Variants in TRPC5 observed in about 807,000 individuals in gnomAD.
TRPC5 encodes the protein transient receptor potential cation channel subfamily C member 5.
In TRPC5, 9 loss-of-function variants were observed where a neutral mutation model predicts 56.5. The observed-to-expected ratio is 0.16, with a 90% CI of 0.10 to 0.28. TRPC5 has a LOEUF of 0.28. Ranked by LOEUF, TRPC5 falls within the 10% of genes least tolerant of loss-of-function variation. The pLI is 1.00. For synonymous variants in TRPC5, 282 were observed against 278.5 expected, an observed-to-expected ratio of 1.01 and a Z score of -0.13; for missense variants, 469 against 748.9, an observed-to-expected ratio of 0.63 and a Z score of 4.36.
At chrX:112,031,248 G>A (rs1163303183) in intron 1 of TRPC5, among the ~76,000 whole-genome samples, 1 of 111,441 alleles carries the variant, frequency 9.0e-6, no homozygotes, top group African/African-American at 3.3e-5. Context: ...AAAGAAAAGG[G>A]GACAAAACCC....
At chrX:111,803,444 C>A (rs1409904839) in intron 7 of TRPC5, among the ~76,000 whole-genome samples, 2 of 112,099 alleles carry the variant, frequency 1.8e-5, no homozygotes, top group South Asian at 7.4e-4. Context: ...GTCTTCCACA[C>A]TGGTTGAACT....
In TRPC5 at chrX:111,774,667, A is replaced by G. The variant is rs1217680956; in HGVS notation, c.*1646T>C. 3 of 111,260 alleles carry G rather than the reference A, an allele frequency of 2.7e-5. No individual in the cohort carries two copies. In the Admixed American group the frequency reaches 2.9e-4, roughly 11 times the overall value. The allele number at this position is 111,260 out of a possible 1,213,427, so 9.2% of individuals were successfully genotyped here. A position where few individuals can be genotyped will look rare whatever the true frequency, so the allele number is the denominator to read the frequency against. On this transcript the variant is annotated 3_prime_UTR_variant, in exon 11 of 11. Transcript: ENST00000262839. Reference sequence around the variant, plus strand: ...TTTTGCTCTTCTCCAGGCTAGAGACAAAGATGGGAATCCATTCAAATAACA... The same window carrying G: ...TTTTGCTCTTCTCCAGGCTAGAGACGAAGATGGGAATCCATTCAAATAACA...
At chrX:112,011,047 A>C (rs1928978757) in intron 1 of TRPC5, among the ~76,000 whole-genome samples, 1 of 111,341 alleles carries the variant, frequency 9.0e-6, no homozygotes, top group African/African-American at 3.3e-5. Flanking sequence ...ACCCTCCCCC[A>C]TTTGACAAGG....
rs1183740096 is a variant in TRPC5, at chrX:111,970,131, A to G, written c.-21-17690T>C. ...AAGCCCTGGTGACTGGAGGAGTTACAGTGCTGCTATCTGTGTGACTGAGAA... is the reference window on the plus strand; with the variant it reads ...AAGCCCTGGTGACTGGAGGAGTTACGGTGCTGCTATCTGTGTGACTGAGAA... On this transcript the variant is annotated intron_variant, in intron 1 of 10. Coordinates refer to ENST00000262839, the MANE Select transcript of TRPC5 (RefSeq NM_012471.3). Among the ~76,000 whole-genome samples the G allele has an allele frequency of 8.1e-5, 9 of 111,488 alleles. No homozygotes were observed. In the Admixed American group the frequency reaches 8.6e-4, roughly 11 times the overall value.
intron 1 of TRPC5, among the ~76,000 whole-genome samples, chrX:112,031,103 G>T (rs1387516272): frequency 9.0e-6 from 1 of 111,718 alleles, no homozygotes; most frequent in Non-Finnish European, 1.9e-5. Flanking sequence ...TTCATTAAAA[G>T]CACAGTTATT....
At chrX:111,904,740 G>A (rs762508988) in intron 3 of TRPC5, among the ~76,000 whole-genome samples, 1 of 111,270 alleles carries the variant, frequency 9.0e-6, no homozygotes, top group Non-Finnish European at 1.9e-5. Context: ...ACCAAGGCAC[G>A]TTTACCTATG....
chrX:111,996,112 T>C (rs1928522331), intron 1 of TRPC5, among the ~76,000 whole-genome samples: 1 of 112,340 alleles, frequency 8.9e-6, no homozygotes, highest in East Asian at 2.8e-4. Context: ...CTTTCTCTTG[T>C]GGGCATTTAG....
chrX:111,782,838 C>CACACACACACAT (rs1300584306), intron 7 of TRPC5, among the ~76,000 whole-genome samples: 2 of 110,084 alleles, frequency 1.8e-5, no homozygotes, highest in African/African-American at 6.6e-5. Flanking sequence ...CACACACACA[C>CACACACACACAT]ACATCAGTGT....
rs575504884 is a variant in TRPC5 at position 111,989,742 on chromosome X, A to G, written c.-21-37301T>C. On this transcript the variant is annotated intron_variant, in intron 1 of 10. Coordinates refer to ENST00000262839, the MANE Select transcript of TRPC5 (RefSeq NM_012471.3). ...GATAAAGAAAATGTGATGCTTTCAC[A>G]CAGTGGAATACTGAACTGCAGTTAA... Among the ~76,000 whole-genome samples, 7 of 112,446 alleles carry G rather than the reference A, an allele frequency of 6.2e-5. No homozygotes were observed. The South Asian group carries it at 2.6e-3, about 42-fold the overall frequency.
In TRPC5 at chrX:111,774,251, A is replaced by AG. The variant is rs1483970909; in HGVS notation, c.*2061_*2062insC. ...AAACTTATAAGTTTTCAGAAGTGATATACATTTCTGAGAAAAACATGTTTT... is the reference window on the plus strand; with the variant it reads ...AAACTTATAAGTTTTCAGAAGTGATAGTACATTTCTGAGAAAAACATGTTTT... On this transcript the variant is annotated 3_prime_UTR_variant, in exon 11 of 11. Coordinates refer to ENST00000262839, the MANE Select transcript of TRPC5 (RefSeq NM_012471.3). The AG allele has an allele frequency of 8.9e-6, 1 of 112,083 alleles. No homozygotes were observed. The highest frequency in any genetic ancestry group is 2.8e-4 in the East Asian group (1 of 3,607). 9.2% of individuals were successfully genotyped at this position (112,083 alleles called of 1,213,427 possible).
intron 1 of TRPC5, among the ~76,000 whole-genome samples, chrX:112,077,478 C>G (rs1343587469): frequency 8.9e-6 from 1 of 111,885 alleles, no homozygotes; most frequent in African/African-American, 3.2e-5. Flanking sequence ...AAAAATGAAT[C>G]ACTGGGGATC....
At chrX:111,965,313 A>G (rs370248100) in intron 1 of TRPC5, among the ~76,000 whole-genome samples, 3 of 111,997 alleles carry the variant, frequency 2.7e-5, no homozygotes, top group Admixed American at 9.5e-5. Flanking sequence ...GGAGCACCCA[A>G]ATTCATAAAG....
chrX:111,802,379 G>A lies in TRPC5; in HGVS notation c.1897-20241C>T, dbSNP rs188143235. Among the ~76,000 whole-genome samples, 19 of 111,050 alleles carry A rather than the reference G, an allele frequency of 1.7e-4. 1 individual carries two copies. In the East Asian group the frequency reaches 5.3e-3, roughly 31 times the overall value. ...TTATATTTGTATATGAATTTTAGGA[G>A]CAGCTTGTCAATTTATGCAAAAGCA... On this transcript the variant is annotated intron_variant, in intron 7 of 10. Transcript: ENST00000262839.
intron 1 of TRPC5, among the ~76,000 whole-genome samples, chrX:112,028,158 G>T (rs1433305632): frequency 8.9e-6 from 1 of 112,059 alleles, no homozygotes; most frequent in Non-Finnish European, 1.9e-5. Flanking sequence ...TTTAAAACTG[G>T]AAGGAATACT....
chrX:111,782,840 C>CACACAT (rs748200066), intron 7 of TRPC5, among the ~76,000 whole-genome samples: 8 of 109,742 alleles, frequency 7.3e-5, no homozygotes, highest in Non-Finnish European at 1.3e-4. Flanking sequence ...CACACACACA[C>CACACAT]ATCAGTGTAC....
At chrX:111,898,702 ATAAT>A (rs1042200478) in intron 3 of TRPC5, among the ~76,000 whole-genome samples, 3 of 110,925 alleles carry the variant, frequency 2.7e-5, no homozygotes, top group Non-Finnish European at 5.7e-5. Context: ...AGAAAAACAA[ATAAT>A]TAAGCAAGAA....
chrX:111,894,421 A>G (rs1017155151), intron 3 of TRPC5, among the ~76,000 whole-genome samples: 3 of 112,088 alleles, frequency 2.7e-5, no homozygotes, highest in African/African-American at 9.7e-5. Context: ...AATGGGGTCA[A>G]AGATCTCAGT....
chrX:111,777,027 A>G, intron 10 of TRPC5, 25 bp from the exon 11 acceptor site: 1 of 1,088,039 alleles, frequency 9.2e-7, no homozygotes. Flanking sequence ...GAGACATATT[A>G]TGTCAAGAAG....
At position 111,781,129 on chromosome X, in the gene TRPC5, C is replaced by A. The variant is rs186077945; in HGVS notation, c.2142+36G>T. The A allele has an allele frequency of 1.9e-3, 2,281 of 1,191,054 alleles. 4 individuals carry two copies. Among genetic ancestry groups the A allele is most frequent in the Middle Eastern group, 0.01 (43 of 4,298 alleles). On this transcript the variant is annotated intron_variant, in intron 9 of 10. Transcript: ENST00000262839. Reference sequence around the variant, plus strand: ...GCTTCTCCTCCACAGAACCAGCCAACAACTATTGTGCTTCATCCCTGTGAG... The same window carrying A: ...GCTTCTCCTCCACAGAACCAGCCAAAAACTATTGTGCTTCATCCCTGTGAG...
Sources: allele counts gnomAD v4.1 joint callset (sites outside exome capture counted in the v4.1 genomes callset), GRCh38; gene constraint gnomAD v4.1.1; transcripts MANE v1.5; gene names NCBI Gene and HGNC (gene_info 2026-07-23, HGNC 2026-07-21).